GALNT18: variants seen among roughly 807,000 people sequenced by gnomAD.
The protein encoded by GALNT18 is polypeptide N-acetylgalactosaminyltransferase 18.
In GALNT18, 44 loss-of-function variants were observed where a neutral mutation model predicts 69.5. That is an observed-to-expected ratio of 0.63 (90% CI 0.50 to 0.81). GALNT18 has a LOEUF of 0.81. GALNT18 is among the 40% of genes least tolerant of loss of function. The pLI is 0.00. For missense variants in GALNT18, 715 were observed against 810.0 expected, an observed-to-expected ratio of 0.88 and a Z score of 1.42; for synonymous variants, 364 against 318.2, an observed-to-expected ratio of 1.14 and a Z score of -1.53.
In GALNT18 at chr11:11,605,086, T is replaced by G. The variant is rs1590134161; in HGVS notation, c.235+16273A>C. ...TCAGAGAATAATAGGAAAAGAAAAA[T>G]CATAGTTGTCTGAGGCTCCGGCTAA... On this transcript the variant is annotated intron_variant, in intron 1 of 10. Coordinates refer to ENST00000227756, the MANE Select transcript of GALNT18 (RefSeq NM_198516.3). The surrounding 1 kb of genome is among the most constrained non-coding windows in gnomAD (Gnocchi z 4.7). 1.3e-5 allele frequency among the ~76,000 whole-genome samples: 2 copies of G among 152,038 alleles called. No individual in the cohort carries two copies. The highest frequency in any genetic ancestry group is 3.9e-4 in the East Asian group (2 of 5,192).
chr11:11,310,463 G>A (rs554637616), intron 9 of GALNT18, among the ~76,000 whole-genome samples: 12 of 152,286 alleles, frequency 7.9e-5, no homozygotes, highest in African/African-American at 1.4e-4. Flanking sequence ...AAAATGCTGC[G>A]GAGATGTAAA....
chr11:11,346,513 A>G (rs1055462456), intron 6 of GALNT18, among the ~76,000 whole-genome samples: 33 of 152,222 alleles, frequency 2.2e-4, no homozygotes, highest in Admixed American at 2.0e-3. Context: ...GCTGCAATCA[A>G]AGAGAGTTAC....
intron 1 of GALNT18, among the ~76,000 whole-genome samples, chr11:11,489,410 A>G (rs545703581): frequency 6.6e-6 from 1 of 152,170 alleles, no homozygotes; most frequent in African/African-American, 2.4e-5. Flanking sequence ...AACCTCCCTG[A>G]GATAATAGTG....
chr11:11,612,672 A>G (rs1859938337), intron 1 of GALNT18, among the ~76,000 whole-genome samples: 1 of 152,234 alleles, frequency 6.6e-6, no homozygotes, highest in African/African-American at 2.4e-5. Context: ...ACAAAGCACC[A>G]GAGCTTGTTA....
rs765702518 is a variant in GALNT18, at chr11:11,402,055, C to G, written c.596-22791G>C. On this transcript the variant is annotated intron_variant, in intron 3 of 10. Coordinates refer to ENST00000227756, the MANE Select transcript of GALNT18 (RefSeq NM_198516.3). This position sits in a 1 kb window ranked among gnomAD's most constrained non-coding sequence, Gnocchi z 4.0. ...GTTAGAGGAATAGTATGTACCAAAG[C>G]AAGAAGAGATGAAGTAGGCTTACAT... is the stretch of plus-strand genomic sequence containing the variant. Among the ~76,000 whole-genome samples the G allele has an allele frequency of 6.6e-6, 1 of 152,142 alleles. No homozygotes were observed. The highest frequency in any genetic ancestry group is 1.5e-5 in the Non-Finnish European group (1 of 68,028).
At chr11:11,471,893 C>T (rs1043775831) in intron 1 of GALNT18, among the ~76,000 whole-genome samples, 4 of 152,230 alleles carry the variant, frequency 2.6e-5, no homozygotes, top group African/African-American at 9.6e-5. Context: ...CAGCCTGGCC[C>T]TCCCCATCAG....
intron 1 of GALNT18, among the ~76,000 whole-genome samples, chr11:11,487,045 G>T (rs1856660363): frequency 6.6e-6 from 1 of 152,112 alleles, no homozygotes; most frequent in South Asian, 2.1e-4. Flanking sequence ...CCCAAACTCT[G>T]GGCCTTTGCT....
chr11:11,471,928 A>C (rs745856196), intron 1 of GALNT18, among the ~76,000 whole-genome samples: 3 of 152,204 alleles, frequency 2.0e-5, no homozygotes, highest in Non-Finnish European at 4.4e-5. Context: ...GGGGGCCATG[A>C]AGGGCCTGGC....
rs751545468 is a variant in GALNT18 at position 11,436,328 on chromosome 11, C to T, written c.429-3541G>A. ...GGCTCTTCTATCTTACGTTTTCCAA[C>T]TTCCCCTCCCTCCCAACCCACAAAT... On this transcript the variant is annotated intron_variant, in intron 2 of 10. Coordinates refer to ENST00000227756, the MANE Select transcript of GALNT18 (RefSeq NM_198516.3). The surrounding 1 kb of genome is among the most constrained non-coding windows in gnomAD (Gnocchi z 4.5). Among the ~76,000 whole-genome samples the T allele has an allele frequency of 6.6e-6, 1 of 152,206 alleles. No individual in the cohort carries two copies. The highest frequency in any genetic ancestry group is 1.5e-5 in the Non-Finnish European group (1 of 68,040).
At chr11:11,503,496 G>T (rs1590057502) in intron 1 of GALNT18, among the ~76,000 whole-genome samples, 1 of 152,296 alleles carries the variant, frequency 6.6e-6, no homozygotes, top group East Asian at 1.9e-4. Context: ...GGATGCTACA[G>T]CCTGCAGGTG....
chr11:11,380,709 A>G (rs956292752), intron 3 of GALNT18, among the ~76,000 whole-genome samples: 3 of 152,238 alleles, frequency 2.0e-5, no homozygotes, highest in Non-Finnish European at 2.9e-5. Context: ...GTGTGCACAC[A>G]TGGGTGCCTG....
chr11:11,446,429 C>A lies in GALNT18; in HGVS notation c.428+2315G>T, dbSNP rs146130578. 1.8e-4 allele frequency among the ~76,000 whole-genome samples: 28 copies of A among 152,322 alleles called. No homozygotes were observed. The East Asian group carries it at 5.4e-3, about 29-fold the overall frequency. ...GAAAAGTCCATGGCTCTTCTTCTGG[C>A]CAAGGTCATGGCCAAGTCCCCTGCA... is the stretch of plus-strand genomic sequence containing the variant. On this transcript the variant is annotated intron_variant, in intron 2 of 10. Coordinates refer to ENST00000227756, the MANE Select transcript of GALNT18 (RefSeq NM_198516.3).
chr11:11,304,192 G>A (rs1382178514), intron 9 of GALNT18, among the ~76,000 whole-genome samples: 1 of 152,204 alleles, frequency 6.6e-6, no homozygotes, highest in African/African-American at 2.4e-5. Flanking sequence ...GGCCCCTGGA[G>A]CTGTCCTAGT....
intron 1 of GALNT18, among the ~76,000 whole-genome samples, chr11:11,484,257 A>G (rs1410412282): frequency 2.0e-5 from 3 of 152,158 alleles, no homozygotes; most frequent in Non-Finnish European, 4.4e-5. Context: ...GCTGACCACC[A>G]GAGACCTAAG....
intron 1 of GALNT18, among the ~76,000 whole-genome samples, chr11:11,551,085 C>CAAAAAAAAAAA (rs36037822): frequency 8.5e-6 from 1 of 117,552 alleles, no homozygotes; most frequent in African/African-American, 3.4e-5. Flanking sequence ...TATACGGTAC[C>CAAAAAAAAAAA]AAAAAAAAAA....
chr11:11,513,619 C>G lies in GALNT18; in HGVS notation c.236-64683G>C, dbSNP rs531489114. Among the ~76,000 whole-genome samples, 52 of 152,336 alleles carry G rather than the reference C, an allele frequency of 3.4e-4. No individual in the cohort carries two copies. The South Asian group carries it at 0.01, about 30-fold the overall frequency. On this transcript the variant is annotated intron_variant, in intron 1 of 10. Coordinates refer to ENST00000227756, the MANE Select transcript of GALNT18 (RefSeq NM_198516.3). The stretch of plus-strand genomic sequence containing the variant: ...GAACTTTGTCTTCTCTGCCAAGCCT[C>G]AAGCTCCTGTTTTTCAAGTAATCCA...
chr11:11,524,126 T>C (rs1294600654), intron 1 of GALNT18, among the ~76,000 whole-genome samples: 1 of 152,048 alleles, frequency 6.6e-6, no homozygotes, highest in East Asian at 1.9e-4. Flanking sequence ...TAGAAATCAC[T>C]TATCTAGTAG....
At chr11:11,271,744 G>GT (rs1181454056) in intron 10 of GALNT18, among the ~76,000 whole-genome samples, 2 of 152,324 alleles carry the variant, frequency 1.3e-5, no homozygotes, top group African/African-American at 4.8e-5. Flanking sequence ...ATCAATACTG[G>GT]TTTCAACCAA....
chr11:11,336,181 T>C (rs953809216), intron 7 of GALNT18, among the ~76,000 whole-genome samples: 2 of 152,070 alleles, frequency 1.3e-5, no homozygotes, highest in African/African-American at 4.8e-5. Context: ...CTTAAGAAAA[T>C]ATTGATGTTT....
Sources: allele counts gnomAD v4.1 joint callset (sites outside exome capture counted in the v4.1 genomes callset), GRCh38; gene constraint gnomAD v4.1.1; non-coding constraint Gnocchi (gnomAD v3.1); transcripts MANE v1.5; gene names NCBI Gene and HGNC (gene_info 2026-07-23, HGNC 2026-07-21).